The following GLRA3 variants were observed in gnomAD, a reference collection of about 807,000 sequenced individuals.
The protein encoded by GLRA3 is glycine receptor subunit alpha-3.
In GLRA3, 44 loss-of-function variants were observed where a neutral mutation model predicts 60.4. The ratio of observed to expected loss-of-function variants is 0.73; its 90% CI spans 0.57 to 0.94. GLRA3 has a LOEUF of 0.94. Ranked by LOEUF, GLRA3 falls within the 40% of genes least tolerant of loss-of-function variation. The pLI, the probability that GLRA3 is intolerant of heterozygous loss-of-function variation, is 0.00. For synonymous variants in GLRA3, 223 were observed against 192.9 expected, an observed-to-expected ratio of 1.16 and a Z score of -1.29; for missense variants, 508 against 564.6, an observed-to-expected ratio of 0.90 and a Z score of 1.02.
intron 4 of GLRA3, among the ~76,000 whole-genome samples, chr4:174,727,540 T>C (rs554306259): frequency 1.3e-5 from 2 of 152,328 alleles, no homozygotes; most frequent in South Asian, 4.1e-4. Context: ...TGACATGAAT[T>C]CTGTTCTTAC....
chr4:174,693,370 G>A (rs570187766), intron 5 of GLRA3, among the ~76,000 whole-genome samples: 2 of 152,224 alleles, frequency 1.3e-5, no homozygotes, highest in South Asian at 4.1e-4. Context: ...TCAATCTTTT[G>A]CATATCACTA....
intron 3 of GLRA3, among the ~76,000 whole-genome samples, chr4:174,732,773 C>CTA (rs1439490724): frequency 1.7e-3 from 242 of 145,664 alleles, no homozygotes; most frequent in African/African-American, 5.4e-3. Flanking sequence ...CTCTCTCTCT[C>CTA]TCTCTATATA....
At chr4:174,806,437 C>A (rs1387129095) in intron 1 of GLRA3, among the ~76,000 whole-genome samples, 1 of 152,034 alleles carries the variant, frequency 6.6e-6, no homozygotes, top group African/African-American at 2.4e-5. Context: ...TATTGTATTT[C>A]ATATACATAA....
chr4:174,672,598 A>G (rs1355513192), intron 7 of GLRA3, among the ~76,000 whole-genome samples: 1 of 151,996 alleles, frequency 6.6e-6, no homozygotes, highest in South Asian at 2.1e-4. Flanking sequence ...CAGCCCCAGA[A>G]TGAGGACACA....
intron 1 of GLRA3, among the ~76,000 whole-genome samples, chr4:174,803,639 C>A (rs1035975537): frequency 6.6e-6 from 1 of 152,098 alleles, no homozygotes; most frequent in Non-Finnish European, 1.5e-5. Flanking sequence ...TAGAAAACTG[C>A]CAAAATCTTA....
chr4:174,638,510 G>T lies in GLRA3; in HGVS notation c.*5276C>A, dbSNP rs1289098957. On this transcript the variant is annotated 3_prime_UTR_variant, in exon 10 of 10. Transcript: ENST00000274093. The stretch of plus-strand genomic sequence containing the variant: ...GGGTTTTATCATATTGGCCAGGCTG[G>T]TGTCTTAACTCCTGACCTCAAGTGA... 6.6e-6 allele frequency: 1 copy of T among 152,128 alleles called. No homozygotes were observed. Among genetic ancestry groups the T allele is most frequent in the Non-Finnish European group, 1.5e-5 (1 of 68,066 alleles). The allele number at this position is 152,128 out of a possible 1,614,324, so 9.4% of individuals were successfully genotyped here.
At chr4:174,750,688 A>G (rs924010290) in intron 3 of GLRA3, among the ~76,000 whole-genome samples, 1 of 152,132 alleles carries the variant, frequency 6.6e-6, no homozygotes, top group African/African-American at 2.4e-5. Context: ...CAAGTAGCAA[A>G]ATGGATCCTG....
chr4:174,798,678 A>G (rs904692519), intron 1 of GLRA3, among the ~76,000 whole-genome samples: 6 of 152,252 alleles, frequency 3.9e-5, no homozygotes, highest in Admixed American at 3.9e-4. Context: ...TAATCCCAGC[A>G]CTTTGGGAGG....
chr4:174,816,287 G>A (rs1740497799), intron 1 of GLRA3, among the ~76,000 whole-genome samples: 1 of 152,066 alleles, frequency 6.6e-6, no homozygotes, highest in South Asian at 2.1e-4. Flanking sequence ...CCAAAGGTCA[G>A]GGATCTCTGT....
intron 1 of GLRA3, among the ~76,000 whole-genome samples, chr4:174,815,183 C>G (rs896292777): frequency 6.6e-6 from 1 of 152,222 alleles, no homozygotes; most frequent in Non-Finnish European, 1.5e-5. Context: ...CCAAGATGAT[C>G]TCCTTTGACT....
intron 7 of GLRA3, among the ~76,000 whole-genome samples, chr4:174,661,515 CT>C (rs1476797445): frequency 3.3e-5 from 5 of 152,130 alleles, no homozygotes; most frequent in African/African-American, 1.2e-4. Flanking sequence ...TATGAAGGTG[CT>C]TTTTGTGTGC....
chr4:174,728,333 G>A (rs552634275), intron 4 of GLRA3, 142 bp downstream of exon 4: 8 of 542,110 alleles, frequency 1.5e-5, no homozygotes, highest in African/African-American at 9.5e-5. Flanking sequence ...GACATATTTG[G>A]GAAACAGTCT....
chr4:174,770,520 G>T (rs971328877), intron 2 of GLRA3, among the ~76,000 whole-genome samples: 14 of 152,038 alleles, frequency 9.2e-5, no homozygotes, highest in Non-Finnish European at 1.5e-4. Flanking sequence ...TAAAAGCGTT[G>T]CCTATTATAA....
intron 2 of GLRA3, among the ~76,000 whole-genome samples, chr4:174,783,816 A>T (rs1284212959): frequency 6.6e-6 from 1 of 152,090 alleles, no homozygotes; most frequent in Non-Finnish European, 1.5e-5. Flanking sequence ...AAAGTCAGGA[A>T]TCAACAGGTG....
intron 4 of GLRA3, among the ~76,000 whole-genome samples, chr4:174,715,776 A>G (rs1735896365): frequency 6.6e-6 from 1 of 152,204 alleles, no homozygotes. Context: ...ATAATTGCAT[A>G]TCTTAGGCTG....
chr4:174,763,932 C>T (rs1300131671), intron 3 of GLRA3, among the ~76,000 whole-genome samples: 1 of 152,054 alleles, frequency 6.6e-6, no homozygotes, highest in Non-Finnish European at 1.5e-5. Flanking sequence ...CTCATTATGA[C>T]TCATATATGA....
At chr4:174,648,654 G>A (rs1419261506) in intron 9 of GLRA3, among the ~76,000 whole-genome samples, 1 of 152,134 alleles carries the variant, frequency 6.6e-6, no homozygotes, top group Non-Finnish European at 1.5e-5. Context: ...GGTAAGCACT[G>A]GGTTAGGAGA....
chr4:174,767,531 G>C (rs1198338251), intron 2 of GLRA3, among the ~76,000 whole-genome samples: 2 of 152,028 alleles, frequency 1.3e-5, no homozygotes, highest in East Asian at 3.9e-4. Context: ...TTGTTCTTTA[G>C]TGACTTACCT....
chr4:174,737,197 T>C (rs914343241), intron 3 of GLRA3, among the ~76,000 whole-genome samples: 3 of 152,202 alleles, frequency 2.0e-5, no homozygotes, highest in African/African-American at 7.2e-5. Flanking sequence ...AAATAAATAA[T>C]GTGAACCAAG....
Sources: allele counts gnomAD v4.1 joint callset (sites outside exome capture counted in the v4.1 genomes callset), GRCh38; gene constraint gnomAD v4.1.1; transcripts MANE v1.5; gene names NCBI Gene and HGNC (gene_info 2026-07-23, HGNC 2026-07-21).